The following SHD variants were observed in gnomAD, a reference collection of about 807,000 sequenced individuals.
SHD encodes Src homology 2 domain containing transforming protein D.
SHD carries 29 observed loss-of-function variants against 31.2 expected under a neutral mutation model. The observed-to-expected ratio is 0.93, with a 90% confidence interval of 0.69 to 1.27. The LOEUF (loss-of-function observed/expected upper bound fraction) is 1.27. SHD is among the 50% of genes most tolerant of loss of function. SHD has a pLI of 0.00. For synonymous variants in SHD, 208 were observed against 187.8 expected (o/e 1.11, Z -0.88); for missense variants, 520 against 453.8 (o/e 1.15, Z -1.33).
chr19:4,284,495 G>C (rs556752335), intron 3 of SHD: 15 of 255,208 alleles, frequency 5.9e-5, no homozygotes, highest in Admixed American at 1.6e-4. Context: ...CCCAGAAGGG[G>C]TTTAGGGACT....
intron 3 of SHD, among the ~76,000 whole-genome samples, chr19:4,283,768 C>T (rs945687201): frequency 3.4e-4 from 51 of 151,188 alleles, no homozygotes; most frequent in Admixed American, 2.2e-3. Flanking sequence ...TTAGTAGAGA[C>T]GGGGTTTCAC....
chr19:4,282,830 C>T (rs201645332), intron 1 of SHD, 40 bp from the exon 2 acceptor site: 3 of 1,590,094 alleles, frequency 1.9e-6, no homozygotes, highest in African/African-American at 2.7e-5. Flanking sequence ...CAGGGAAGCC[C>T]CTCTGAGTCC....
In SHD at chr19:4,280,221, T is replaced by C. The variant is rs748382712; in HGVS notation, c.158T>C (p.Leu53Ser). ...CCCTATGAGGACGCGGAGAGCCGCTTGGAGCCGGACCCCGCGGGCCCTGGG... is the reference window on the plus strand; with the variant it reads ...CCCTATGAGGACGCGGAGAGCCGCTCGGAGCCGGACCCCGCGGGCCCTGGG... ...EDPYEDAESRLEPDPAGPGDS... is the reference protein window; with the variant it reads ...EDPYEDAESRSEPDPAGPGDS... Residue 53 changes from leucine to serine, a missense_variant, in exon 1 of 6, where the codon TTG (leucine) becomes TCG (serine). Transcript: ENST00000543264. 2.5e-6 allele frequency: 4 copies of C among 1,613,628 alleles called. No homozygotes were observed. The highest frequency in any genetic ancestry group is 1.7e-5 in the Admixed American group (1 of 59,976).
At chr19:4,285,439 A>C (rs1196051439) in intron 4 of SHD, among the ~76,000 whole-genome samples, 1 of 152,008 alleles carries the variant, frequency 6.6e-6, no homozygotes, top group Non-Finnish European at 1.5e-5. Flanking sequence ...AAGTCCCCAG[A>C]ATCCAGACCA....
Position 4,283,141 on chromosome 19 carries a change from A to T in SHD, c.491A>T (p.Lys164Met). The change falls in exon 3 of 6, where the codon AAG (lysine) becomes ATG (methionine). Residue 164 changes from lysine to methionine, a missense_variant. Coordinates refer to ENST00000543264, the MANE Select transcript of SHD (RefSeq NM_020209.4). Reference sequence around the variant, plus strand: ...GCAGATGGACCCCCTTCTGGGCAGAAGCCTCGGCAGAGCCGGATGCCCCAG... The same window carrying T: ...GCAGATGGACCCCCTTCTGGGCAGATGCCTCGGCAGAGCCGGATGCCCCAG... ...ETADGPPSGQKPRQSRMPQED... is the reference protein window; with the variant it reads ...ETADGPPSGQMPRQSRMPQED... 3 of 1,614,120 alleles carry T rather than the reference A, an allele frequency of 1.9e-6. No individual in the cohort carries two copies. The highest frequency in any genetic ancestry group is 2.5e-6 in the Non-Finnish European group (3 of 1,180,012).
At chr19:4,286,259 CTCTCTTTCTTTCTTTCTTTCTTTT>C (rs879718872) in intron 4 of SHD, among the ~76,000 whole-genome samples, 6,114 of 114,922 alleles carry the variant, frequency 0.053, 237 homozygotes, top group Non-Finnish European at 0.072. Context: ...TTCTTTCTTT[CTCTCTTTCTTTCTTTCTTTCTTTT>C]TTTCTTTCCT....
Position 4,282,935 on chromosome 19 carries a change from T to A in SHD, c.363T>A (p.Asp121Glu). Residue 121 changes from aspartate to glutamate, a missense_variant, in exon 2 of 6, where the codon GAT (aspartate) becomes GAA (glutamate). Coordinates refer to ENST00000543264, the MANE Select transcript of SHD (RefSeq NM_020209.4). ...AGCCTCATCCTGCACCCCCGGATGATGGGTACATGGAGCCCTACGATGCCC... is the reference window on the plus strand; with the variant it reads ...AGCCTCATCCTGCACCCCCGGATGAAGGGTACATGGAGCCCTACGATGCCC... ...DAQPHPAPPD[D>E]GYMEPYDAQW... is the part of the protein sequence containing the mutation. 2.5e-6 allele frequency: 4 copies of A among 1,613,936 alleles called. No individual in the cohort carries two copies. The highest frequency in any genetic ancestry group is 3.4e-6 in the Non-Finnish European group (4 of 1,179,978).
rs150915627 is a variant in SHD, at chr19:4,284,162, C to T, written c.593-619C>T. On this transcript the variant is annotated intron_variant, in intron 3 of 5. Coordinates refer to ENST00000543264, the MANE Select transcript of SHD (RefSeq NM_020209.4). ...TACTAAAAATGCAAAATTAGTCGGG[C>T]GTGGTGGTGCATGCCGGTAATCCCA... Among the ~76,000 whole-genome samples, 799 of 151,780 alleles carry T rather than the reference C, an allele frequency of 5.3e-3. 4 individuals are homozygous for T. Among genetic ancestry groups the T allele is most frequent in the Non-Finnish European group, 7.4e-3 (505 of 67,944 alleles).
At chr19:4,280,429 A>G in intron 1 of SHD, 69 bp downstream of exon 1, 1 of 1,465,674 alleles carries the variant, frequency 6.8e-7, no homozygotes, top group Non-Finnish European at 9.1e-7. Flanking sequence ...TGGATCGTGG[A>G]GAGCTTATTT....
At chr19:4,281,852 C>A (rs1971259931) in intron 1 of SHD, among the ~76,000 whole-genome samples, 1 of 152,176 alleles carries the variant, frequency 6.6e-6, no homozygotes, top group Non-Finnish European at 1.5e-5. Flanking sequence ...CTCTTACTTA[C>A]CAGCTGTGTG....
chr19:4,290,515 A>G lies in SHD; in HGVS notation c.905A>G (p.His302Arg), dbSNP rs569658586. The change falls in exon 6 of 6, where the codon CAC (histidine) becomes CGC (arginine). Residue 302 changes from histidine (H) to arginine (R), a missense_variant. His to Arg is a conservative substitution (Grantham distance 29, BLOSUM62 0). Coordinates refer to ENST00000543264, the MANE Select transcript of SHD (RefSeq NM_020209.4). ...TRENQVVLGQHSGPFPSVPEL... is the reference protein window; with the variant it reads ...TRENQVVLGQRSGPFPSVPEL... Reference sequence around the variant, plus strand: ...GAGAACCAGGTGGTGCTGGGCCAACACAGCGGGCCCTTCCCCAGCGTGCCC... The same window carrying G: ...GAGAACCAGGTGGTGCTGGGCCAACGCAGCGGGCCCTTCCCCAGCGTGCCC... 2 of 1,613,570 alleles carry G rather than the reference A, an allele frequency of 1.2e-6. No homozygotes were observed. The highest frequency in any genetic ancestry group is 4.5e-5 in the East Asian group (2 of 44,866).
intron 1 of SHD, 36 bp from the exon 2 acceptor site, chr19:4,282,834 T>G: frequency 3.8e-6 from 6 of 1,599,564 alleles, no homozygotes; most frequent in Non-Finnish European, 5.1e-6. Context: ...GAAGCCCCTC[T>G]GAGTCCTTGT....
chr19:4,286,317 TA>T (rs1971317310), intron 4 of SHD, among the ~76,000 whole-genome samples: 3 of 130,710 alleles, frequency 2.3e-5, no homozygotes, highest in Non-Finnish European at 4.7e-5. Context: ...CCTTCCTTCC[TA>T]CCTTCCTTCC....
intron 5 of SHD, 53 bp downstream of exon 5, chr19:4,288,415 CT>C: frequency 2.6e-6 from 4 of 1,549,328 alleles, no homozygotes; most frequent in Non-Finnish European, 2.6e-6. Context: ...GTGAGTCACC[CT>C]TTTGGGTTAA....
At chr19:4,280,424 C>G (rs1971246433) in intron 1 of SHD, 64 bp downstream of exon 1, 4 of 1,465,144 alleles carry the variant, frequency 2.7e-6, no homozygotes, top group Non-Finnish European at 3.6e-6. Context: ...CTCTCTGGAT[C>G]GTGGAGAGCT....
rs748512583 is a variant in SHD at position 4,286,243 on chromosome 19, C to CT, written c.716+1342dup. 2.1e-3 allele frequency among the ~76,000 whole-genome samples: 218 copies of CT among 104,298 alleles called. 3 individuals are homozygous for CT. Among genetic ancestry groups the CT allele is most frequent in the Admixed American group, 5.6e-3 (50 of 8,870 alleles). The allele number at this position is 104,298 out of a possible 152,430, so 68.4% of individuals were successfully genotyped here. A position where few individuals can be genotyped will look rare whatever the true frequency, so the allele number is the denominator to read the frequency against. On this transcript the variant is annotated intron_variant, in intron 4 of 5. Transcript: ENST00000543264. ...CTTTCTTTCTTTCTTTTCTTTCTTT[C>CT]TTTCTTTCTTTCTTTCTCTCTTTCT...
At chr19:4,289,346 C>T (rs1006867613) in intron 5 of SHD, among the ~76,000 whole-genome samples, 30 of 150,180 alleles carry the variant, frequency 2.0e-4, no homozygotes, top group Non-Finnish European at 3.0e-4. Context: ...CTCCTGACCT[C>T]GTGATCCGCC....
At chr19:4,288,570 G>C (rs1599516538) in intron 5 of SHD, among the ~76,000 whole-genome samples, 1 of 152,198 alleles carries the variant, frequency 6.6e-6, no homozygotes, top group South Asian at 2.1e-4. Context: ...CATCGCTGGA[G>C]GTATACAAGA....
chr19:4,280,613 A>G (rs1335300408), intron 1 of SHD, among the ~76,000 whole-genome samples: 4 of 149,220 alleles, frequency 2.7e-5, no homozygotes, highest in Admixed American at 2.0e-4. Flanking sequence ...TGCAACCTCC[A>G]CCTCCTGGGG....
Sources: gnomAD v4.1 joint callset for allele counts (sites outside exome capture counted in the v4.1 genomes callset) on GRCh38, gnomAD v4.1.1 for gene constraint, MANE v1.5 for transcripts, NCBI Gene and HGNC (gene_info 2026-07-23, HGNC 2026-07-21) for gene names.